CAMK1G: variants seen among roughly 807,000 people sequenced by gnomAD.
CAMK1G encodes calcium/calmodulin-dependent protein kinase type 1G.
In CAMK1G, 27 loss-of-function variants were observed where a neutral mutation model predicts 54.8. The observed-to-expected ratio is 0.49, with a 90% CI of 0.36 to 0.68. The LOEUF (loss-of-function observed/expected upper bound fraction) is 0.68. CAMK1G is among the 30% of genes least tolerant of loss of function. The pLI, the probability that CAMK1G is intolerant of heterozygous loss-of-function variation, is 0.00. For missense variants in CAMK1G, 512 were observed against 591.0 expected (o/e 0.87, Z 1.39); for synonymous variants, 238 against 224.9 (o/e 1.06, Z -0.52).
chr1:209,593,301 T>C (rs1325739562), intron 1 of CAMK1G, among the ~76,000 whole-genome samples: 1 of 152,200 alleles, frequency 6.6e-6, no homozygotes, highest in African/African-American at 2.4e-5. Context: ...AGTCTACAAG[T>C]AGTTTTTCTC....
chr1:209,609,208 G>A, intron 8 of CAMK1G, 116 bp downstream of exon 8: 2 of 1,199,658 alleles, frequency 1.7e-6, no homozygotes, highest in Non-Finnish European at 2.4e-6. Flanking sequence ...GGATCTTACA[G>A]AACAGGCTGC....
intron 1 of CAMK1G, among the ~76,000 whole-genome samples, chr1:209,589,005 C>T (rs1482708567): frequency 1.3e-5 from 2 of 152,138 alleles, no homozygotes; most frequent in East Asian, 1.9e-4. Flanking sequence ...CCAGGAAGTT[C>T]ATCCAAAAAA....
intron 1 of CAMK1G, chr1:209,584,040 C>A (rs908622301): frequency 5.9e-5 from 9 of 152,280 alleles, no homozygotes; most frequent in Middle Eastern, 3.4e-3. Flanking sequence ...CCCTTCTGGG[C>A]AGGGAAAAGG....
intron 1 of CAMK1G, among the ~76,000 whole-genome samples, chr1:209,588,236 C>A (rs1216515702): frequency 6.6e-6 from 1 of 152,218 alleles, no homozygotes; most frequent in Non-Finnish European, 1.5e-5. Context: ...AAGATGCTCT[C>A]CTTCCCTGTC....
Position 209,595,194 on chromosome 1 carries a change from G to T in CAMK1G, c.92+119G>T, listed in dbSNP as rs1041216201. The T allele has an allele frequency of 6.9e-6, 5 of 726,558 alleles. No homozygotes were observed. The East Asian group carries it at 7.8e-5, about 11-fold the overall frequency. The allele number at this position is 726,558 out of a possible 1,614,324, so 45.0% of individuals were successfully genotyped here. A position where few individuals can be genotyped will look rare whatever the true frequency, so the allele number is the denominator to read the frequency against. ...ACTGAGGCTGCTGTGACTTCATTTC[G>T]ATTTATTTAAGGGACTTAGGGAGAG... On this transcript the variant is annotated intron_variant, in intron 2 of 12. Transcript: ENST00000361322.
At chr1:209,587,053 T>C (rs1665119400) in intron 1 of CAMK1G, among the ~76,000 whole-genome samples, 1 of 152,056 alleles carries the variant, frequency 6.6e-6, no homozygotes, top group African/African-American at 2.4e-5. Flanking sequence ...GAGTTGATCT[T>C]TGAAATGCAG....
chr1:209,588,717 G>A (rs966208851), intron 1 of CAMK1G, among the ~76,000 whole-genome samples: 1 of 152,204 alleles, frequency 6.6e-6, no homozygotes, highest in Non-Finnish European at 1.5e-5. Context: ...CTGCCTGAGA[G>A]TTCCATCTCG....
rs180975390 is a variant in CAMK1G, at chr1:209,608,197, C to T, written c.635+264C>T. On this transcript the variant is annotated intron_variant, in intron 7 of 12. Coordinates refer to ENST00000361322, the MANE Select transcript of CAMK1G (RefSeq NM_020439.3). ...CCACTGCACAGCCACCTGGCACTCCCTCCTCTTGCACCCCTGCCCCTTTTA... is the reference window on the plus strand; with the variant it reads ...CCACTGCACAGCCACCTGGCACTCCTTCCTCTTGCACCCCTGCCCCTTTTA... Among the ~76,000 whole-genome samples, 537 of 152,334 alleles carry T rather than the reference C, an allele frequency of 3.5e-3. 1 individual carries two copies. Among genetic ancestry groups the T allele is most frequent in the African/African-American group, 0.012 (509 of 41,582 alleles).
intron 11 of CAMK1G, 84 bp downstream of exon 11, chr1:209,612,300 G>T (rs771664149): frequency 1.4e-6 from 2 of 1,447,720 alleles, no homozygotes; most frequent in East Asian, 2.4e-5. Context: ...GGACACAAAG[G>T]CCTCTCCCAC....
intron 2 of CAMK1G, among the ~76,000 whole-genome samples, chr1:209,596,661 C>CACACA (rs1456597721): frequency 1.4e-5 from 2 of 148,104 alleles, no homozygotes; most frequent in Non-Finnish European, 3.0e-5. Flanking sequence ...CACACACACA[C>CACACA]CACACACACA....
chr1:209,611,432 C>T, intron 9 of CAMK1G, 33 bp from the exon 10 acceptor site: 1 of 1,607,598 alleles, frequency 6.2e-7, no homozygotes, highest in Non-Finnish European at 8.5e-7. Context: ...AAATAGCCAC[C>T]CAGTAGCCAG....
chr1:209,605,326 C>G (rs1352115107), intron 4 of CAMK1G, among the ~76,000 whole-genome samples: 1 of 152,070 alleles, frequency 6.6e-6, no homozygotes, highest in African/African-American at 2.4e-5. Flanking sequence ...AATGCTTGGC[C>G]CAAAGAGATG....
intron 2 of CAMK1G, among the ~76,000 whole-genome samples, chr1:209,597,730 T>C (rs1454270253): frequency 6.6e-6 from 1 of 152,234 alleles, no homozygotes; most frequent in Non-Finnish European, 1.5e-5. Context: ...TAATTTCTAA[T>C]GCAGATTTTT....
intron 1 of CAMK1G, among the ~76,000 whole-genome samples, chr1:209,590,042 C>G (rs1665207325): frequency 6.6e-6 from 1 of 152,200 alleles, no homozygotes; most frequent in Admixed American, 6.5e-5. Flanking sequence ...AGCCCTAAAT[C>G]TCAGAGAAAT....
At chr1:209,586,780 T>G (rs1165364271) in intron 1 of CAMK1G, among the ~76,000 whole-genome samples, 2 of 152,060 alleles carry the variant, frequency 1.3e-5, no homozygotes, top group Non-Finnish European at 2.9e-5. Context: ...AGCAGCACAC[T>G]AAGAATAAGC....
intron 1 of CAMK1G, among the ~76,000 whole-genome samples, chr1:209,585,990 G>A (rs1665090865): frequency 6.6e-6 from 1 of 152,248 alleles, no homozygotes; most frequent in South Asian, 2.1e-4. Context: ...AAGCAGGCAG[G>A]GGACTGCACG....
chr1:209,589,076 A>G (rs1665181344), intron 1 of CAMK1G, among the ~76,000 whole-genome samples: 1 of 152,342 alleles, frequency 6.6e-6, no homozygotes, highest in African/African-American at 2.4e-5. Flanking sequence ...GCAACAAGAT[A>G]GCCAAGGTCT....
chr1:209,584,100 C>T (rs932484946), intron 1 of CAMK1G, among the ~76,000 whole-genome samples: 14 of 152,136 alleles, frequency 9.2e-5, no homozygotes, highest in African/African-American at 3.4e-4. Context: ...ATTCTAGGGA[C>T]AAGGCTCTGT....
intron 2 of CAMK1G, among the ~76,000 whole-genome samples, chr1:209,597,773 C>T (rs991958506): frequency 1.1e-4 from 16 of 152,320 alleles, no homozygotes; most frequent in African/African-American, 3.6e-4. Flanking sequence ...TCCTATTGGG[C>T]TTTCATTCTA....
Sources: gnomAD v4.1 joint callset for allele counts (sites outside exome capture counted in the v4.1 genomes callset) on GRCh38, gnomAD v4.1.1 for gene constraint, MANE v1.5 for transcripts, NCBI Gene and HGNC (gene_info 2026-07-23, HGNC 2026-07-21) for gene names.